KIF16B: variants seen among roughly 807,000 people sequenced by gnomAD.
KIF16B encodes kinesin family member 16B.
A neutral mutation model predicts 156.3 loss-of-function variants in KIF16B; 98 were observed. The observed-to-expected ratio is 0.63, with a 90% CI of 0.53 to 0.74. The LOEUF (loss-of-function observed/expected upper bound fraction) is 0.74, where lower values mean the gene tolerates loss of function less well. KIF16B is among the 30% of genes least tolerant of loss of function. KIF16B has a pLI of 0.00. For missense variants in KIF16B, 1,421 were observed against 1,606.5 expected (o/e 0.88, Z 1.97); for synonymous variants, 564 against 583.7 (o/e 0.97, Z 0.49).
intron 12 of KIF16B, among the ~76,000 whole-genome samples, chr20:16,456,816 C>T (rs1009923727): frequency 6.6e-5 from 10 of 151,746 alleles, no homozygotes; most frequent in Non-Finnish European, 1.2e-4. Flanking sequence ...AAGCTGAACT[C>T]GCTTGCCATG....
intron 25 of KIF16B, among the ~76,000 whole-genome samples, chr20:16,284,733 T>C (rs549881310): frequency 1.3e-5 from 2 of 152,280 alleles, no homozygotes; most frequent in Admixed American, 1.3e-4. Flanking sequence ...TACAGAACTG[T>C]AGTTTGCCAA....
Position 16,532,634 on chromosome 20 carries a change from A to G in KIF16B, c.48-4194T>C, listed in dbSNP as rs529220977. On this transcript the variant is annotated intron_variant, in intron 1 of 25. Transcript: ENST00000354981. ...GGTTTATTTATATCACAGAACACCAAACCCAGATTCCTCCCATTCCCACAG... is the reference window on the plus strand; with the variant it reads ...GGTTTATTTATATCACAGAACACCAGACCCAGATTCCTCCCATTCCCACAG... Among the ~76,000 whole-genome samples the G allele has an allele frequency of 2.6e-5, 4 of 152,336 alleles. No individual in the cohort carries two copies. The East Asian group carries it at 7.7e-4, about 29-fold the overall frequency.
intron 12 of KIF16B, among the ~76,000 whole-genome samples, chr20:16,474,207 T>G (rs1467035051): frequency 1.3e-5 from 2 of 152,102 alleles, no homozygotes; most frequent in African/African-American, 4.8e-5. Context: ...TTCCAAAATA[T>G]CTAACCTGTT....
At chr20:16,273,551 C>G (rs925071725) in intron 25 of KIF16B, 140 bp from the exon 26 acceptor site, 13 of 659,590 alleles carry the variant, frequency 2.0e-5, no homozygotes, top group Middle Eastern at 4.1e-4. Flanking sequence ...ATTAGCTGGA[C>G]AGGGTGGTGC....
intron 12 of KIF16B, among the ~76,000 whole-genome samples, chr20:16,463,241 T>C (rs951902665): frequency 6.6e-6 from 1 of 152,192 alleles, no homozygotes; most frequent in African/African-American, 2.4e-5. Flanking sequence ...TCCTTGTGTG[T>C]CCACGTCCTT....
chr20:16,304,589 A>T (rs1050130833), intron 25 of KIF16B, among the ~76,000 whole-genome samples: 7 of 152,222 alleles, frequency 4.6e-5, no homozygotes, highest in African/African-American at 1.7e-4. Flanking sequence ...TAAAAACCTA[A>T]ATGAGGAAGA....
At chr20:16,313,826 T>C (rs1192576234) in intron 24 of KIF16B, among the ~76,000 whole-genome samples, 2 of 152,216 alleles carry the variant, frequency 1.3e-5, no homozygotes, top group Non-Finnish European at 2.9e-5. Context: ...AATGTATTTG[T>C]TCATTATCTT....
At chr20:16,368,762 C>G (rs2064742986) in intron 22 of KIF16B, 8 of 985,906 alleles carry the variant, frequency 8.1e-6, no homozygotes, top group African/African-American at 7.0e-5. Context: ...GAAATGCCTT[C>G]AGACAGAACC....
At chr20:16,484,855 A>G (rs2068072869) in intron 12 of KIF16B, among the ~76,000 whole-genome samples, 1 of 152,162 alleles carries the variant, frequency 6.6e-6, no homozygotes, top group Non-Finnish European at 1.5e-5. Context: ...TCATACATAC[A>G]CAGTTGCAAA....
chr20:16,274,229 G>A (rs1455781109), intron 25 of KIF16B, among the ~76,000 whole-genome samples: 1 of 152,166 alleles, frequency 6.6e-6, no homozygotes, highest in Non-Finnish European at 1.5e-5. Flanking sequence ...TCAGTTCCAA[G>A]TACTGATATT....
intron 12 of KIF16B, among the ~76,000 whole-genome samples, chr20:16,484,212 C>T (rs1223884389): frequency 1.3e-5 from 2 of 152,110 alleles, no homozygotes; most frequent in East Asian, 3.9e-4. Flanking sequence ...AAGTAAGAAC[C>T]AGCATATACT....
intron 25 of KIF16B, among the ~76,000 whole-genome samples, chr20:16,291,097 T>C (rs886486547): frequency 7.9e-5 from 12 of 152,344 alleles, no homozygotes; most frequent in African/African-American, 2.4e-4. Context: ...GAACAAATGA[T>C]GCAATGAATA....
At chr20:16,377,319 G>C (rs1312678918) in intron 19 of KIF16B, among the ~76,000 whole-genome samples, 2 of 152,050 alleles carry the variant, frequency 1.3e-5, no homozygotes, top group East Asian at 3.9e-4. Context: ...CGGCACTTTA[G>C]GAGGCTCAGG....
chr20:16,490,011 G>C lies in KIF16B; in HGVS notation c.1302+4280C>G, dbSNP rs6105614. Among the ~76,000 whole-genome samples, 3 of 152,096 alleles carry C rather than the reference G, an allele frequency of 2.0e-5. No homozygotes were observed. In the South Asian group the frequency reaches 6.2e-4, roughly 32 times the overall value. On this transcript the variant is annotated intron_variant, in intron 12 of 25. Transcript: ENST00000354981. The stretch of plus-strand genomic sequence containing the variant: ...AAAACATAGCGAAGAGCATCACTGG[G>C]ACAGGACCGCCGCCTGCACAACACT...
At chr20:16,323,992 C>T (rs561100359) in intron 24 of KIF16B, among the ~76,000 whole-genome samples, 42 of 152,044 alleles carry the variant, frequency 2.8e-4, no homozygotes, top group Admixed American at 1.2e-3. Flanking sequence ...AGGCATGACC[C>T]AGTGAACGTA....
At chr20:16,392,582 C>T (rs932627243) in intron 17 of KIF16B, among the ~76,000 whole-genome samples, 62 of 152,290 alleles carry the variant, frequency 4.1e-4, no homozygotes, top group Admixed American at 3.9e-3. Flanking sequence ...CATGTGTACG[C>T]CTCTGAGATC....
At chr20:16,475,807 C>T (rs1036307235) in intron 12 of KIF16B, among the ~76,000 whole-genome samples, 6 of 152,116 alleles carry the variant, frequency 3.9e-5, no homozygotes, top group African/African-American at 7.2e-5. Context: ...CTACCTAAGA[C>T]CCAATTTTCA....
chr20:16,307,402 G>C (rs967901512), intron 25 of KIF16B, among the ~76,000 whole-genome samples: 1 of 152,190 alleles, frequency 6.6e-6, no homozygotes, highest in African/African-American at 2.4e-5. Flanking sequence ...CAGTGAAGGT[G>C]AAGCATGTGT....
chr20:16,396,180 C>A (rs4814487), intron 17 of KIF16B, among the ~76,000 whole-genome samples: 1 of 151,812 alleles, frequency 6.6e-6, no homozygotes, highest in African/African-American at 2.4e-5. Context: ...TGCATAGGAG[C>A]GCAAACCCTA....
Sources: allele counts gnomAD v4.1 joint callset (sites outside exome capture counted in the v4.1 genomes callset), GRCh38; gene constraint gnomAD v4.1.1; transcripts MANE v1.5; gene names NCBI Gene and HGNC (gene_info 2026-07-23, HGNC 2026-07-21).